BAX: variants seen among roughly 807,000 people sequenced by gnomAD.
BAX encodes the protein BCL2 associated X, apoptosis regulator, also known as apoptosis regulator BAX.
A neutral mutation model predicts 26.8 loss-of-function variants in BAX; 21 were observed. The ratio of observed to expected loss-of-function variants is 0.78; its 90% CI spans 0.56 to 1.13. BAX has a LOEUF of 1.13. Among genes scored for constraint, BAX ranks in the 50% most tolerant of loss-of-function variants. The probability of loss-of-function intolerance (pLI) is 0.00; values close to 1 mark genes in which losing one functional copy is unlikely to be tolerated. For missense variants in BAX, 236 were observed against 254.6 expected, an observed-to-expected ratio of 0.93 and a Z score of 0.50; for synonymous variants, 110 against 101.8, an observed-to-expected ratio of 1.08 and a Z score of -0.49.
At chr19:48,956,380 C>T in intron 4 of BAX, 47 bp downstream of exon 4, 2 of 1,464,804 alleles carry the variant, frequency 1.4e-6, no homozygotes, top group South Asian at 2.9e-5. Context: ...CCCCTCAGAT[C>T]TGTGAGGACC....
chr19:48,956,402 G>C (rs1365563710), intron 4 of BAX, 69 bp downstream of exon 4: 28 of 1,441,286 alleles, frequency 1.9e-5, no homozygotes, highest in Non-Finnish European at 2.6e-5. Flanking sequence ...GGGGATCGTG[G>C]TATCAACCCC....
chr19:48,956,090 C>T (rs2038117639), intron 3 of BAX, 108 bp from the exon 4 acceptor site: 2 of 1,370,062 alleles, frequency 1.5e-6, no homozygotes, highest in Admixed American at 2.7e-5. Context: ...TTCATTTCAG[C>T]CTGGCTTGGG....
At chr19:48,959,949 C>T (rs888071685) in intron 4 of BAX, among the ~76,000 whole-genome samples, 19 of 147,120 alleles carry the variant, frequency 1.3e-4, no homozygotes, top group African/African-American at 3.8e-4. Flanking sequence ...GCCGAGATTG[C>T]GCCACTGCAC....
rs2038370930 is a variant in BAX, at chr19:48,961,752, TG to T, written c.*120del. On this transcript the variant is annotated 3_prime_UTR_variant, in exon 6 of 6. Coordinates refer to ENST00000345358, the MANE Select transcript of BAX (RefSeq NM_138761.4). Reference sequence around the variant, plus strand: ...TTACTTTTGTAATTATTGGGGGGTGTGGGGAAGAGTGGTCTTGAGGGGGTAA... The same window carrying T: ...TTACTTTTGTAATTATTGGGGGGTGTGGGAAGAGTGGTCTTGAGGGGGTAA... 1 of 682,420 alleles carries T rather than the reference TG, an allele frequency of 1.5e-6. No homozygotes were observed. Among genetic ancestry groups the T allele is most frequent in the Non-Finnish European group, 2.2e-6 (1 of 449,194 alleles). 42.3% of individuals were successfully genotyped at this position (682,420 alleles called of 1,614,324 possible).
At position 48,960,813 on chromosome 19, in the gene BAX, C is replaced by CT; in HGVS notation, c.374dup (p.Cys126ValfsTer81). 9 of 1,609,970 alleles carry CT rather than the reference C, an allele frequency of 5.6e-6. No homozygotes were observed. The highest frequency in any genetic ancestry group is 7.6e-6 in the Non-Finnish European group (9 of 1,176,798). ...ACGCCCACTCCACTCCCCACAGGCC[C>CT]TGTGCACCAAGGTGCCGGAACTGAT... On this transcript the variant is annotated frameshift_variant, in exon 5 of 6. Coordinates refer to ENST00000345358, the MANE Select transcript of BAX (RefSeq NM_138761.4). LOFTEE classifies it high-confidence loss of function.
intron 4 of BAX, 142 bp downstream of exon 4, chr19:48,956,475 CCTT>C (rs2038138494): frequency 4.2e-6 from 4 of 942,924 alleles, no homozygotes; most frequent in Middle Eastern, 3.2e-4. Context: ...GGTGTCTGCT[CCTT>C]CTTTTATTCA....
Position 48,961,772 on chromosome 19 carries a change from G to C in BAX, c.*136G>C, listed in dbSNP as rs1600116371. ...GGGTGTGGGGAAGAGTGGTCTTGAG[G>C]GGGTAATAAACCTCCTTCGGGACAC... On this transcript the variant is annotated 3_prime_UTR_variant, in exon 6 of 6. Coordinates refer to ENST00000345358, the MANE Select transcript of BAX (RefSeq NM_138761.4). 3 of 813,124 alleles carry C rather than the reference G, an allele frequency of 3.7e-6. No homozygotes were observed. Among genetic ancestry groups the C allele is most frequent in the Non-Finnish European group, 5.8e-6 (3 of 520,036 alleles). The allele number at this position is 813,124 out of a possible 1,614,324, so 50.4% of individuals were successfully genotyped here.
Position 48,960,941 on chromosome 19 carries a change from CCACCACCGCGCCCT to C in BAX, c.474+37_474+50del, listed in dbSNP as rs1300851623. ...TGAGACTCCTCAAGCCTCCTCACCC[CCACCACCGCGCCCT>C]CACCACCGCCCCTGCCCCACCGTCC... is the stretch of plus-strand genomic sequence containing the variant. On this transcript the variant is annotated intron_variant, in intron 5 of 5. Coordinates refer to ENST00000345358, the MANE Select transcript of BAX (RefSeq NM_138761.4). 3.7e-6 allele frequency: 6 copies of C among 1,613,416 alleles called. No individual in the cohort carries two copies. The East Asian group carries it at 1.3e-4, about 36-fold the overall frequency.
At chr19:48,958,532 C>T (rs1193838858) in intron 4 of BAX, among the ~76,000 whole-genome samples, 1 of 40,424 alleles carries the variant, frequency 2.5e-5, no homozygotes, top group Admixed American at 2.3e-4. Flanking sequence ...AGGGATATTT[C>T]TTTCTTTCTT....
At chr19:48,960,569 G>A (rs2038316660) in intron 4 of BAX, among the ~76,000 whole-genome samples, 1 of 152,142 alleles carries the variant, frequency 6.6e-6, no homozygotes, top group East Asian at 1.9e-4. Flanking sequence ...CTCCGTATTG[G>A]TCAGGCTGGT....
chr19:48,956,201 G>C lies in BAX; in HGVS notation c.237G>C (p.Met79Ile), dbSNP rs772234712. 6 of 1,530,918 alleles carry C rather than the reference G, an allele frequency of 3.9e-6. No homozygotes were observed. The South Asian group carries it at 7.4e-5, about 19-fold the overall frequency. The allele number at this position is 1,530,918 out of a possible 1,614,324, so 94.8% of individuals were successfully genotyped here. A position where few individuals can be genotyped will look rare whatever the true frequency, so the allele number is the denominator to read the frequency against. Residue 79 changes from methionine to isoleucine, a missense_variant, in exon 4 of 6, where the codon ATG becomes ATC. Transcript: ENST00000345358. ...CTGGTTCTCCTCTCTCCTGCAGGAT[G>C]ATTGCCGCCGTGGACACAGACTCCC... Reference protein sequence around the residue: ...ELDSNMELQRMIAAVDTDSPR... With the variant: ...ELDSNMELQRIIAAVDTDSPR...
At chr19:48,961,119 C>T (rs759203778) in intron 5 of BAX, 5 of 1,560,318 alleles carry the variant, frequency 3.2e-6, no homozygotes, top group Non-Finnish European at 4.3e-6. Context: ...TTCATCTACC[C>T]TGCTGACCTC....
chr19:48,960,779 C>T lies in BAX; in HGVS notation c.370-31C>T, dbSNP rs778538796. The T allele has an allele frequency of 1.9e-6, 3 of 1,554,852 alleles. No homozygotes were observed. In the East Asian group the frequency reaches 6.8e-5, roughly 35 times the overall value. On this transcript the variant is annotated intron_variant, in intron 4 of 5. Coordinates refer to ENST00000345358, the MANE Select transcript of BAX (RefSeq NM_138761.4). ...ATCTCCAGGCAGTGGGGACAAGGTT[C>T]AGTCCCTAACGCCCACTCCACTCCC...
chr19:48,958,015 A>G (rs1373223617), intron 4 of BAX, among the ~76,000 whole-genome samples: 1 of 151,986 alleles, frequency 6.6e-6, no homozygotes, highest in Non-Finnish European at 1.5e-5. Context: ...AGAAGCGAGG[A>G]TCCTGGAGAG....
chr19:48,961,573 C>G lies in BAX; in HGVS notation c.516C>G (p.Thr172=). 1 of 1,611,938 alleles carries G rather than the reference C, an allele frequency of 6.2e-7. No individual in the cohort carries two copies. ...ACTTTGGGACGCCCACGTGGCAGAC[C>G]GTGACCATCTTTGTGGCGGGAGTGC... ...LSYFGTPTWQ[T]VTIFVAGVLT... is the part of the protein sequence containing the mutation. Residue 172 remains threonine, a synonymous_variant, in exon 6 of 6, where the codon ACC becomes ACG. Transcript: ENST00000345358.
At chr19:48,960,551 T>C (rs544875763) in intron 4 of BAX, among the ~76,000 whole-genome samples, 1 of 152,212 alleles carries the variant, frequency 6.6e-6, no homozygotes, top group East Asian at 1.9e-4. Context: ...TTAGTAGAGA[T>C]GGCATTACTC....
rs141306106 is a variant in BAX at position 48,955,714 on chromosome 19, G to C, written c.114G>C (p.Met38Ile). The C allele has an allele frequency of 3.5e-5, 56 of 1,606,202 alleles. No homozygotes were observed. In the African/African-American group the frequency reaches 4.2e-4, roughly 12 times the overall value. ...QGFIQDRAGR[M>I]GGEAPELALD... Reference sequence around the variant, plus strand: ...TCATCCAGGATCGAGCAGGGCGAATGGGGGGGGAGGCACCCGAGCTGGCCC... The same window carrying C: ...TCATCCAGGATCGAGCAGGGCGAATCGGGGGGGAGGCACCCGAGCTGGCCC... The change falls in exon 3 of 6, where the codon ATG becomes ATC. Residue 38 changes from methionine (M) to isoleucine (I), a missense_variant. By Grantham distance (10) the Met-to-Ile change is conservative. Coordinates refer to ENST00000345358, the MANE Select transcript of BAX (RefSeq NM_138761.4).
chr19:48,960,570 T>C (rs1294307737), intron 4 of BAX, among the ~76,000 whole-genome samples: 1 of 152,200 alleles, frequency 6.6e-6, no homozygotes, highest in East Asian at 1.9e-4. Flanking sequence ...TCCGTATTGG[T>C]CAGGCTGGTC....
rs150314785 is a variant in BAX, at chr19:48,961,145, C to A, written c.474+231C>A. Reference sequence around the variant, plus strand: ...TGCTGACCTCCCAGTGACCCCTGACCTCACTGTGACCTTGACTTGATTAGT... The same window carrying A: ...TGCTGACCTCCCAGTGACCCCTGACATCACTGTGACCTTGACTTGATTAGT... On this transcript the variant is annotated intron_variant, in intron 5 of 5. Coordinates refer to ENST00000345358, the MANE Select transcript of BAX (RefSeq NM_138761.4). 4.3e-5 allele frequency: 67 copies of A among 1,541,908 alleles called. 1 individual carries two copies. In the East Asian group the frequency reaches 1.5e-3, roughly 34 times the overall value.
Sources: allele counts gnomAD v4.1 joint callset (sites outside exome capture counted in the v4.1 genomes callset), GRCh38; gene constraint gnomAD v4.1.1; transcripts MANE v1.5; gene names NCBI Gene and HGNC (gene_info 2026-07-23, HGNC 2026-07-21).